The following CNTNAP2 variants were observed in gnomAD, a reference collection of about 807,000 sequenced individuals.
CNTNAP2 encodes contactin associated protein 2.
CNTNAP2 carries 98 observed loss-of-function variants against 155.2 expected under a neutral mutation model. The observed-to-expected ratio is 0.63, with a 90% CI of 0.54 to 0.75. The LOEUF (loss-of-function observed/expected upper bound fraction) is 0.75, where lower values mean the gene tolerates loss of function less well. CNTNAP2 is among the 30% of genes least tolerant of loss of function. The pLI is 0.00. For synonymous variants in CNTNAP2, 651 were observed against 631.2 expected, an observed-to-expected ratio of 1.03 and a Z score of -0.47; for missense variants, 1,727 against 1,688.1, an observed-to-expected ratio of 1.02 and a Z score of -0.40.
rs530633019 is a variant in CNTNAP2 at position 146,297,843 on chromosome 7, C to CGT, written c.97+180870_97+180871insGT. 8.5e-5 allele frequency among the ~76,000 whole-genome samples: 13 copies of CGT among 152,216 alleles called. 1 individual carries two copies. In the South Asian group the frequency reaches 2.7e-3, roughly 32 times the overall value. Reference sequence around the variant, plus strand: ...AACTTGTTTTCCATGTTGAATGCTACAAACACACTCTCTAAACGTGTTAAT... The same window carrying CGT: ...AACTTGTTTTCCATGTTGAATGCTACGTAAACACACTCTCTAAACGTGTTAAT... On this transcript the variant is annotated intron_variant, in intron 1 of 23. Transcript: ENST00000361727.
intron 9 of CNTNAP2, among the ~76,000 whole-genome samples, chr7:147,364,982 T>C (rs371227059): frequency 6.6e-6 from 1 of 152,204 alleles, no homozygotes; most frequent in South Asian, 2.1e-4. Flanking sequence ...AAAAGAACCC[T>C]TATAACCAAG....
intron 14 of CNTNAP2, among the ~76,000 whole-genome samples, chr7:147,976,762 C>T (rs1801433060): frequency 6.6e-6 from 1 of 152,144 alleles, no homozygotes; most frequent in South Asian, 2.1e-4. Flanking sequence ...CCTCTCCATT[C>T]CCTGCACTAT....
chr7:147,296,386 C>G (rs1805444680), intron 8 of CNTNAP2, among the ~76,000 whole-genome samples: 1 of 152,190 alleles, frequency 6.6e-6, no homozygotes, highest in Non-Finnish European at 1.5e-5. Flanking sequence ...TGAGATGGAA[C>G]TATTTCAGTA....
Position 147,891,599 on chromosome 7 carries a change from A to G in CNTNAP2, c.2099-11966A>G, listed in dbSNP as rs143775037. Among the ~76,000 whole-genome samples the G allele has an allele frequency of 6.1e-4, 93 of 152,328 alleles. 1 individual carries two copies. The South Asian group carries it at 8.9e-3, about 15-fold the overall frequency. ...AAAATATATTAGTAGAAATGAAGAA[A>G]AGGGATATAAACACAACTATTTCCC... On this transcript the variant is annotated intron_variant, in intron 13 of 23. Coordinates refer to ENST00000361727, the MANE Select transcript of CNTNAP2 (RefSeq NM_014141.6).
intron 9 of CNTNAP2, among the ~76,000 whole-genome samples, chr7:147,349,342 ACCT>A (rs1321780041): frequency 3.9e-5 from 6 of 151,900 alleles, no homozygotes; most frequent in African/African-American, 1.4e-4. Flanking sequence ...ATATGAAGGG[ACCT>A]GAATTCTCAA....
intron 3 of CNTNAP2, among the ~76,000 whole-genome samples, chr7:146,908,000 C>T (rs371416428): frequency 0.042 from 6,384 of 152,052 alleles, 145 homozygotes; most frequent in South Asian, 0.077. Context: ...GGGTTGCAAT[C>T]CTAGTCTCTG....
intron 1 of CNTNAP2, among the ~76,000 whole-genome samples, chr7:146,536,038 A>C (rs1797864188): frequency 6.6e-6 from 1 of 152,148 alleles, no homozygotes. Context: ...GCATGCAATC[A>C]TCCAATATCC....
intron 10 of CNTNAP2, among the ~76,000 whole-genome samples, chr7:147,427,004 T>C (rs986818040): frequency 1.3e-5 from 2 of 152,130 alleles, no homozygotes; most frequent in African/African-American, 4.8e-5. Context: ...AATAGAAATA[T>C]ATTTATCATG....
intron 21 of CNTNAP2, among the ~76,000 whole-genome samples, chr7:148,312,649 C>T (rs1440608758): frequency 2.0e-5 from 3 of 152,136 alleles, no homozygotes. Flanking sequence ...GGCGCAGATC[C>T]TGAACTAACC....
At chr7:146,948,004 A>AAG (rs2129227254) in intron 3 of CNTNAP2, among the ~76,000 whole-genome samples, 1 of 152,288 alleles carries the variant, frequency 6.6e-6, no homozygotes, top group South Asian at 2.1e-4. Flanking sequence ...CTCACCTTAT[A>AAG]ATAGCATATA....
intron 13 of CNTNAP2, among the ~76,000 whole-genome samples, chr7:147,822,504 T>C (rs751040772): frequency 6.6e-5 from 10 of 152,188 alleles, no homozygotes; most frequent in Non-Finnish European, 1.3e-4. Flanking sequence ...AAATTTTTAA[T>C]CTGACTTCTA....
At chr7:147,049,915 A>C (rs2129258025) in intron 4 of CNTNAP2, among the ~76,000 whole-genome samples, 1 of 152,276 alleles carries the variant, frequency 6.6e-6, no homozygotes, top group African/African-American at 2.4e-5. Flanking sequence ...TCAAGGCTGA[A>C]ATAAGACGCT....
intron 13 of CNTNAP2, among the ~76,000 whole-genome samples, chr7:147,709,578 G>T (rs1379401434): frequency 1.3e-5 from 2 of 152,130 alleles, no homozygotes; most frequent in Non-Finnish European, 2.9e-5. Flanking sequence ...TAGAAGAAAG[G>T]ACACCTCATC....
At chr7:147,521,225 G>T (rs1215480413) in intron 11 of CNTNAP2, among the ~76,000 whole-genome samples, 2 of 152,138 alleles carry the variant, frequency 1.3e-5, no homozygotes, top group Non-Finnish European at 2.9e-5. Context: ...TAATTTGCCT[G>T]CTTCGGTGTA....
At chr7:148,235,843 G>A (rs374012253) in intron 20 of CNTNAP2, among the ~76,000 whole-genome samples, 6 of 152,010 alleles carry the variant, frequency 3.9e-5, no homozygotes, top group East Asian at 1.9e-4. Flanking sequence ...GTGCCACCAC[G>A]CCCAGCTAAT....
chr7:148,225,580 T>C (rs1401254818), intron 19 of CNTNAP2, among the ~76,000 whole-genome samples: 4 of 152,138 alleles, frequency 2.6e-5, no homozygotes, highest in Admixed American at 2.0e-4. Flanking sequence ...GACGGGGAGT[T>C]ACTGGGATTT....
At chr7:147,863,281 A>C (rs1212578644) in intron 13 of CNTNAP2, among the ~76,000 whole-genome samples, 1 of 152,200 alleles carries the variant, frequency 6.6e-6, no homozygotes, top group Non-Finnish European at 1.5e-5. Flanking sequence ...ATGACTGCGT[A>C]GTATTCCATG....
chr7:147,255,704 T>C (rs1315655158), intron 8 of CNTNAP2, among the ~76,000 whole-genome samples: 1 of 152,158 alleles, frequency 6.6e-6, no homozygotes, highest in African/African-American at 2.4e-5. Flanking sequence ...ATATAAATAA[T>C]AGGTAGAGGT....
chr7:146,716,496 T>C (rs765998643), intron 1 of CNTNAP2, among the ~76,000 whole-genome samples: 8 of 152,236 alleles, frequency 5.3e-5, no homozygotes, highest in South Asian at 2.1e-4. Context: ...TTTGCTGCAA[T>C]ACAAACACCT....
Sources: allele counts gnomAD v4.1 joint callset (sites outside exome capture counted in the v4.1 genomes callset), GRCh38; gene constraint gnomAD v4.1.1; transcripts MANE v1.5; gene names NCBI Gene and HGNC (gene_info 2026-07-23, HGNC 2026-07-21).